Variants in TAFA1 observed in about 807,000 individuals in gnomAD.
The protein encoded by TAFA1 is TAFA chemokine like family member 1.
In TAFA1, 4 loss-of-function variants were observed where a neutral mutation model predicts 18.5. That is an observed-to-expected ratio of 0.22 (90% CI 0.11 to 0.49). The LOEUF is 0.49. Ranked by LOEUF, TAFA1 falls within the 20% of genes least tolerant of loss-of-function variation. The pLI is 0.98. For synonymous variants in TAFA1, 56 were observed against 55.2 expected (o/e 1.01, Z -0.06); for missense variants, 147 against 169.0 (o/e 0.87, Z 0.72).
At chr3:68,444,771 AAT>A (rs55684696) in intron 3 of TAFA1, among the ~76,000 whole-genome samples, 3,648 of 126,818 alleles carry the variant, frequency 0.029, 55 homozygotes, top group Middle Eastern at 0.065. Flanking sequence ...GTTTCTACAA[AAT>A]ATATATATAT....
chr3:68,373,134 G>A (rs571929787), intron 2 of TAFA1, among the ~76,000 whole-genome samples: 1 of 152,122 alleles, frequency 6.6e-6, no homozygotes, highest in Non-Finnish European at 1.5e-5. Flanking sequence ...CACATAGCAG[G>A]CACAGAGAAA....
chr3:68,340,199 G>C (rs1008125160), intron 2 of TAFA1, among the ~76,000 whole-genome samples: 3 of 152,128 alleles, frequency 2.0e-5, no homozygotes, highest in Admixed American at 2.0e-4. Context: ...AATCCTAAAA[G>C]ATCACAGCCT....
intron 2 of TAFA1, among the ~76,000 whole-genome samples, chr3:68,020,634 A>G (rs1473496206): frequency 6.6e-6 from 1 of 152,178 alleles, no homozygotes; most frequent in Non-Finnish European, 1.5e-5. Context: ...ATTTTATTAT[A>G]TGAAAAGATG....
chr3:68,007,702 C>G (rs1435250555), intron 2 of TAFA1, among the ~76,000 whole-genome samples: 4 of 150,332 alleles, frequency 2.7e-5, no homozygotes, highest in Non-Finnish European at 5.9e-5. Context: ...TTCTGAAGTG[C>G]TCCCAGCCCT....
intron 2 of TAFA1, among the ~76,000 whole-genome samples, chr3:68,401,303 G>A (rs1351539348): frequency 1.3e-5 from 2 of 152,110 alleles, no homozygotes; most frequent in African/African-American, 4.8e-5. Flanking sequence ...AGTTCTTCTT[G>A]TAACAAATCC....
intron 2 of TAFA1, among the ~76,000 whole-genome samples, chr3:68,049,321 C>G (rs985126943): frequency 1.3e-5 from 2 of 152,064 alleles, no homozygotes; most frequent in Non-Finnish European, 2.9e-5. Context: ...GCTCAGCCAC[C>G]AGGTGTCTAT....
At chr3:68,456,464 C>T (rs189782314) in intron 3 of TAFA1, among the ~76,000 whole-genome samples, 7 of 152,226 alleles carry the variant, frequency 4.6e-5, no homozygotes, top group Non-Finnish European at 5.9e-5. Flanking sequence ...AATTGGTCTG[C>T]GGCCTCTTGG....
At chr3:68,341,909 G>T (rs906716617) in intron 2 of TAFA1, among the ~76,000 whole-genome samples, 1 of 152,224 alleles carries the variant, frequency 6.6e-6, no homozygotes, top group Non-Finnish European at 1.5e-5. Context: ...TGGAATGAAA[G>T]TTTAGCCTGA....
intron 2 of TAFA1, among the ~76,000 whole-genome samples, chr3:68,183,010 A>C (rs933472678): frequency 2.6e-5 from 4 of 152,186 alleles, no homozygotes; most frequent in Admixed American, 2.6e-4. Context: ...TGGTTCAACC[A>C]ACCCTCCCAA....
chr3:68,269,329 G>T (rs1474595918), intron 2 of TAFA1, among the ~76,000 whole-genome samples: 2 of 151,880 alleles, frequency 1.3e-5, no homozygotes, highest in South Asian at 2.1e-4. Context: ...AGTGGCACAT[G>T]CCTGTGATCC....
intron 2 of TAFA1, chr3:68,144,896 A>T (rs936065637): frequency 3.1e-5 from 21 of 669,802 alleles, no homozygotes; most frequent in Middle Eastern, 3.4e-4. Flanking sequence ...TCATCAAAAA[A>T]TTGGAGATAA....
At chr3:68,305,502 A>G (rs1220708201) in intron 2 of TAFA1, among the ~76,000 whole-genome samples, 7 of 138,344 alleles carry the variant, frequency 5.1e-5, no homozygotes, top group African/African-American at 1.9e-4. Context: ...GGGAGACACA[A>G]TTCAACCTAT....
At chr3:68,303,497 G>A (rs2068344171) in intron 2 of TAFA1, among the ~76,000 whole-genome samples, 2 of 152,042 alleles carry the variant, frequency 1.3e-5, no homozygotes, top group Non-Finnish European at 2.9e-5. Context: ...CTGGAGTGCA[G>A]TAGCGTGATC....
At chr3:68,029,646 G>T (rs73837245) in intron 2 of TAFA1, among the ~76,000 whole-genome samples, 2,836 of 152,246 alleles carry the variant, frequency 0.019, 97 homozygotes, top group African/African-American at 0.065. Context: ...TGATGCAAAC[G>T]TAAAGCCCAC....
chr3:68,191,978 T>A (rs1341505258), intron 2 of TAFA1, among the ~76,000 whole-genome samples: 1 of 151,834 alleles, frequency 6.6e-6, no homozygotes, highest in African/African-American at 2.4e-5. Flanking sequence ...GAGTTCTAAG[T>A]ATAGGATCTC....
chr3:68,502,996 C>T (rs1487972106), intron 3 of TAFA1, among the ~76,000 whole-genome samples: 6 of 152,026 alleles, frequency 3.9e-5, no homozygotes, highest in Admixed American at 1.3e-4. Context: ...TATTATTCTG[C>T]CATAAAAAGG....
chr3:68,470,755 G>T (rs143577957), intron 3 of TAFA1, among the ~76,000 whole-genome samples: 1 of 152,310 alleles, frequency 6.6e-6, no homozygotes, highest in African/African-American at 2.4e-5. Context: ...GGGAAACAGA[G>T]CATAAAAGTT....
intron 3 of TAFA1, among the ~76,000 whole-genome samples, chr3:68,519,464 T>A (rs1218019484): frequency 1.3e-5 from 2 of 152,260 alleles, no homozygotes; most frequent in Non-Finnish European, 2.9e-5. Flanking sequence ...TGTTAATGAT[T>A]ACCTCATAGT....
intron 2 of TAFA1, among the ~76,000 whole-genome samples, chr3:68,356,861 G>A (rs1292568180): frequency 6.6e-6 from 1 of 151,794 alleles, no homozygotes; most frequent in Non-Finnish European, 1.5e-5. Context: ...GTACTATGTG[G>A]GTGAAGAAGT....
Sources: allele counts gnomAD v4.1 joint callset (sites outside exome capture counted in the v4.1 genomes callset), GRCh38; gene constraint gnomAD v4.1.1; transcripts MANE v1.5; gene names NCBI Gene and HGNC (gene_info 2026-07-23, HGNC 2026-07-21).